ANKRD31: variants seen among roughly 807,000 people sequenced by gnomAD.
ANKRD31 encodes the protein ankyrin repeat domain 31.
Under a neutral mutation model 186.0 loss-of-function variants are expected in ANKRD31, and 147 were observed. The ratio of observed to expected loss-of-function variants is 0.79; its 90% CI spans 0.69 to 0.91. ANKRD31 has a LOEUF of 0.91. Ranked by LOEUF, ANKRD31 falls within the 40% of genes least tolerant of loss-of-function variation. The pLI is 0.00. For missense variants in ANKRD31, 1,986 were observed against 2,148.8 expected, an observed-to-expected ratio of 0.92 and a Z score of 1.50; for synonymous variants, 673 against 736.4, an observed-to-expected ratio of 0.91 and a Z score of 1.39.
intron 25 of ANKRD31, among the ~76,000 whole-genome samples, chr5:75,072,086 A>G (rs1434605560): frequency 6.6e-6 from 1 of 152,220 alleles, no homozygotes; most frequent in Non-Finnish European, 1.5e-5. Context: ...AATACAATTT[A>G]CTTTGTCTAA....
chr5:75,138,831 T>C lies in ANKRD31; in HGVS notation c.3733+15A>G. ...GTTCAAATTATAAAGGTAATTAAAT[T>C]AAAAGGATCCAAACCTGCATTATCA... is the stretch of plus-strand genomic sequence containing the variant. On this transcript the variant is annotated intron_variant, in intron 16 of 25. Transcript: ENST00000506364. 6.5e-7 allele frequency: 1 copy of C among 1,533,388 alleles called. No homozygotes were observed. Among genetic ancestry groups the C allele is most frequent in the Non-Finnish European group, 8.7e-7 (1 of 1,145,002 alleles). 95.0% of individuals were successfully genotyped at this position (1,533,388 alleles called of 1,614,324 possible).
At chr5:75,093,208 C>T (rs984273732) in intron 22 of ANKRD31, among the ~76,000 whole-genome samples, 11 of 152,224 alleles carry the variant, frequency 7.2e-5, no homozygotes, top group African/African-American at 2.4e-4. Flanking sequence ...TGGCCGGGCA[C>T]GGTGGCTCAC....
At position 75,236,828 on chromosome 5, in the gene ANKRD31, G is replaced by A; in HGVS notation, c.-142C>T. The A allele has an allele frequency of 1.4e-6, 1 of 703,660 alleles. No individual in the cohort carries two copies. Among genetic ancestry groups the A allele is most frequent in the African/African-American group, 1.9e-5 (1 of 53,272 alleles). The allele number at this position is 703,660 out of a possible 1,614,324, so 43.6% of individuals were successfully genotyped here. On this transcript the variant is annotated 5_prime_UTR_variant, in exon 1 of 26. Transcript: ENST00000506364. ...GCAGCAGGAGCCGGGACTTGTCGCA[G>A]GGCTGCTGAGGAGGACGCAGGCGGC...
chr5:75,099,801 G>A (rs185707335), intron 22 of ANKRD31, among the ~76,000 whole-genome samples: 23 of 151,928 alleles, frequency 1.5e-4, no homozygotes, highest in African/African-American at 2.4e-4. Context: ...TTTTTATTGC[G>A]TCTATTTGAC....
intron 10 of ANKRD31, among the ~76,000 whole-genome samples, chr5:75,179,274 G>C (rs1172381455): frequency 2.0e-5 from 3 of 152,110 alleles, no homozygotes; most frequent in Non-Finnish European, 4.4e-5. Context: ...TCCAGGACCA[G>C]ATGGATTCAC....
chr5:75,112,092 C>T (rs1375402617), intron 20 of ANKRD31, among the ~76,000 whole-genome samples: 2 of 152,040 alleles, frequency 1.3e-5, no homozygotes, highest in African/African-American at 4.8e-5. Flanking sequence ...ATTACTCATC[C>T]AACACTTTGC....
Position 75,154,227 on chromosome 5 carries a change from G to C in ANKRD31, c.1826C>G (p.Pro609Arg), listed in dbSNP as rs183325847. The change falls in exon 12 of 26, where the codon CCT becomes CGT. Residue 609 changes from proline (P) to arginine (R), a missense_variant. Physicochemically the swap from Pro to Arg is moderately radical, Grantham distance 103 (BLOSUM62 -2). Coordinates refer to ENST00000506364, the MANE Select transcript of ANKRD31 (RefSeq NM_001372053.1). ...CMKRLLERYI[P>R]KHQKCLTSAQ... ...TGATGTAAGGCATTTTTGATGTTTA[G>C]GGATATATCTCTCAAGGAGACGCTT... The C allele has an allele frequency of 6.6e-7, 1 of 1,526,216 alleles. No individual in the cohort carries two copies. The highest frequency in any genetic ancestry group is 1.4e-5 in the African/African-American group (1 of 72,754). 94.5% of individuals were successfully genotyped at this position (1,526,216 alleles called of 1,614,324 possible).
At chr5:75,115,830 C>A (rs1441716526) in intron 19 of ANKRD31, among the ~76,000 whole-genome samples, 1 of 151,884 alleles carries the variant, frequency 6.6e-6, no homozygotes, top group Non-Finnish European at 1.5e-5. Flanking sequence ...ACTAGTTCAA[C>A]CATTGTGCAA....
intron 3 of ANKRD31, among the ~76,000 whole-genome samples, chr5:75,213,804 A>G (rs1403978490): frequency 1.5e-4 from 23 of 152,170 alleles, no homozygotes; most frequent in Admixed American, 1.5e-3. Flanking sequence ...ATCCTCAACC[A>G]AAAAAGCAAT....
At chr5:75,174,015 T>G (rs1478357473) in intron 10 of ANKRD31, among the ~76,000 whole-genome samples, 1 of 152,176 alleles carries the variant, frequency 6.6e-6, no homozygotes, top group Non-Finnish European at 1.5e-5. Flanking sequence ...AGCATGGTAC[T>G]CGTACCAAAA....
intron 2 of ANKRD31, among the ~76,000 whole-genome samples, chr5:75,223,781 G>C (rs1026055403): frequency 6.6e-6 from 1 of 152,072 alleles, no homozygotes; most frequent in Non-Finnish European, 1.5e-5. Context: ...TTGGGAGGTA[G>C]TTGGGTTTAG....
At chr5:75,218,039 G>A (rs921885356) in intron 3 of ANKRD31, among the ~76,000 whole-genome samples, 2 of 152,072 alleles carry the variant, frequency 1.3e-5, no homozygotes, top group African/African-American at 4.8e-5. Context: ...AAGAACTGGA[G>A]AAGCAAGAGT....
At chr5:75,135,040 A>G (rs533531611) in intron 17 of ANKRD31, among the ~76,000 whole-genome samples, 113 of 152,318 alleles carry the variant, frequency 7.4e-4, no homozygotes, top group Admixed American at 2.2e-3. Flanking sequence ...GCTATTTATG[A>G]CAAACCCACA....
chr5:75,144,021 A>G lies in ANKRD31; in HGVS notation c.3575T>C (p.Leu1192Ser). 1 of 397,382 alleles carries G rather than the reference A, an allele frequency of 2.5e-6. No homozygotes were observed. Among genetic ancestry groups the G allele is most frequent in the Non-Finnish European group, 4.4e-6 (1 of 225,256 alleles). 24.6% of individuals were successfully genotyped at this position (397,382 alleles called of 1,614,324 possible). A position where few individuals can be genotyped will look rare whatever the true frequency, so the allele number is the denominator to read the frequency against. ...CAAACCTAGGTTGCAGGTAGTTTTT[A>G]AGAAACTTTGTCTTTTTCTGAAATT... ...VQNFRKRQSF[L>S]KTTCNLGMKA... The change falls in exon 15 of 26, where the codon TTA becomes TCA. Residue 1192 changes from leucine to serine, a missense_variant. By Grantham distance (145) the Leu-to-Ser change is moderately radical. Coordinates refer to ENST00000506364, the MANE Select transcript of ANKRD31 (RefSeq NM_001372053.1).
chr5:75,211,704 G>A (rs1410322546), intron 3 of ANKRD31, among the ~76,000 whole-genome samples: 1 of 152,084 alleles, frequency 6.6e-6, no homozygotes, highest in Admixed American at 6.5e-5. Context: ...TGAGTGTAAA[G>A]TGGTATTTCA....
Position 75,206,444 on chromosome 5 carries a change from A to C in ANKRD31, c.370T>G (p.Ser124Ala), listed in dbSNP as rs1197156198. The change falls in exon 5 of 26, where the codon TCT (serine) becomes GCT (alanine). Residue 124 changes from serine to alanine, a missense_variant. Coordinates refer to ENST00000506364, the MANE Select transcript of ANKRD31 (RefSeq NM_001372053.1). ...TTTTGGTGGTTCAATGAAAGTCCAG[A>C]CTGGCGAAACGACCCAATGAACATT... Reference protein sequence around the residue: ...CSMFIGSFRQSGLSLNHQNIE... With the variant: ...CSMFIGSFRQAGLSLNHQNIE... The C allele has an allele frequency of 6.7e-7, 1 of 1,486,584 alleles. No individual in the cohort carries two copies. The highest frequency in any genetic ancestry group is 8.9e-7 in the Non-Finnish European group (1 of 1,125,662). The allele number at this position is 1,486,584 out of a possible 1,614,324, so 92.1% of individuals were successfully genotyped here.
At chr5:75,135,481 G>A (rs192604542) in intron 17 of ANKRD31, among the ~76,000 whole-genome samples, 1 of 152,106 alleles carries the variant, frequency 6.6e-6, no homozygotes, top group African/African-American at 2.4e-5. Flanking sequence ...GCCTCTTCAA[G>A]GAGAACTACA....
chr5:75,104,825 T>C lies in ANKRD31; in HGVS notation c.4734A>G (p.Gln1578=). 2.0e-6 allele frequency: 3 copies of C among 1,537,232 alleles called. No individual in the cohort carries two copies. The highest frequency in any genetic ancestry group is 2.6e-6 in the Non-Finnish European group (3 of 1,146,888). ...EFSGNDMNSK[Q]NGSDCTLDGF... ...CATCCAAGGTACAATCACTGCCATT[T>C]TGTTTAGAATTCATATCATTTCCAG... The change falls in exon 22 of 26, where the codon CAA becomes CAG. Residue 1578 remains glutamine, a synonymous_variant. Coordinates refer to ENST00000506364, the MANE Select transcript of ANKRD31 (RefSeq NM_001372053.1).
intron 10 of ANKRD31, among the ~76,000 whole-genome samples, chr5:75,176,274 G>C (rs369804708): frequency 2.0e-5 from 3 of 152,174 alleles, no homozygotes; most frequent in African/African-American, 7.2e-5. Flanking sequence ...GCTCAAGGAC[G>C]CCTGCCTGCC....
Sources: gnomAD v4.1 joint callset for allele counts (sites outside exome capture counted in the v4.1 genomes callset) on GRCh38, gnomAD v4.1.1 for gene constraint, MANE v1.5 for transcripts, NCBI Gene and HGNC (gene_info 2026-07-23, HGNC 2026-07-21) for gene names.